NSD1: variants seen among roughly 807,000 people sequenced by gnomAD.
NSD1 encodes histone-lysine N-methyltransferase, H3 lysine-36 specific.
A neutral mutation model predicts 242.7 loss-of-function variants in NSD1; 26 were observed. The observed-to-expected ratio is 0.11, with a 90% CI of 0.08 to 0.15. The LOEUF is 0.15. NSD1 is among the 10% of genes least tolerant of loss of function. The pLI, the probability that NSD1 is intolerant of heterozygous loss-of-function variation, is 1.00. For synonymous variants in NSD1, 1,106 were observed against 1,178.1 expected, an observed-to-expected ratio of 0.94 and a Z score of 1.25; for missense variants, 2,495 against 3,272.8, an observed-to-expected ratio of 0.76 and a Z score of 5.80.
chr5:177,227,277 A>T (rs1764703890), intron 5 of NSD1, among the ~76,000 whole-genome samples: 1 of 152,188 alleles, frequency 6.6e-6, no homozygotes, highest in African/African-American at 2.4e-5. Context: ...TAAATATTTG[A>T]GTAAATCAGT....
chr5:177,141,916 C>G (rs190041134), intron 2 of NSD1, among the ~76,000 whole-genome samples: 1 of 152,152 alleles, frequency 6.6e-6, no homozygotes, highest in Non-Finnish European at 1.5e-5. Flanking sequence ...TCACTGCAAC[C>G]TCTGCCTTCT....
Position 177,269,802 on chromosome 5 carries a change from A to G in NSD1, c.5504A>G (p.Lys1835Arg). ...KMGKGVDGTY[K>R]KALQEAAARF... is the part of the protein sequence containing the mutation. ...GGCAAAGGAGTGGATGGGACATATAAAAAAGGTAACTTTATCCTTTTTGTT... is the reference window on the plus strand; with the variant it reads ...GGCAAAGGAGTGGATGGGACATATAGAAAAGGTAACTTTATCCTTTTTGTT... Residue 1835 changes from lysine to arginine, a missense_variant, in exon 16 of 23, where the codon AAA (lysine) becomes AGA (arginine). By Grantham distance (26) the Lys-to-Arg change is conservative. Coordinates refer to ENST00000439151, the MANE Select transcript of NSD1 (RefSeq NM_022455.5). The surrounding 1 kb of genome is among the most constrained non-coding windows in gnomAD (Gnocchi z 5.1). The G allele has an allele frequency of 6.2e-7, 1 of 1,610,844 alleles. No individual in the cohort carries two copies. The highest frequency in any genetic ancestry group is 8.5e-7 in the Non-Finnish European group (1 of 1,177,972).
At chr5:177,220,162 C>G (rs550270279) in intron 5 of NSD1, among the ~76,000 whole-genome samples, 20 of 152,240 alleles carry the variant, frequency 1.3e-4, no homozygotes, top group Admixed American at 1.3e-3. Context: ...CCTTGTGTTA[C>G]TCTATTTCTC....
chr5:177,144,906 C>A (rs1757107353), intron 2 of NSD1, among the ~76,000 whole-genome samples: 1 of 151,846 alleles, frequency 6.6e-6, no homozygotes, highest in Admixed American at 6.6e-5. Context: ...CGTAGTGAAA[C>A]CCTGTCTCTA....
chr5:177,293,902 C>T lies in NSD1; in HGVS notation c.6534C>T (p.Cys2178=), dbSNP rs2127279315. ...AAGCAGCCTCCTTCTGTGAGATGTG[C>T]CCCAGCTCCTTTTGTAAGCAGCATC... ...GKEAASFCEM[C]PSSFCKQHRE... is the part of the protein sequence containing the mutation. Residue 2178 remains cysteine (C), a synonymous_variant, in exon 23 of 23, where the codon TGC becomes TGT. Coordinates refer to ENST00000439151, the MANE Select transcript of NSD1 (RefSeq NM_022455.5). The T allele has an allele frequency of 6.2e-7, 1 of 1,614,112 alleles. No individual in the cohort carries two copies. The highest frequency in any genetic ancestry group is 8.5e-7 in the Non-Finnish European group (1 of 1,180,018).
At chr5:177,286,806 T>C (rs1759372597) in intron 20 of NSD1, among the ~76,000 whole-genome samples, 1 of 152,258 alleles carries the variant, frequency 6.6e-6, no homozygotes, top group Non-Finnish European at 1.5e-5. Context: ...TCCTCTGCCA[T>C]GTCTAGCCAC....
chr5:177,193,644 T>C (rs1459883827), intron 3 of NSD1, among the ~76,000 whole-genome samples: 1 of 152,098 alleles, frequency 6.6e-6, no homozygotes, highest in Admixed American at 6.6e-5. Flanking sequence ...TTTTAATATA[T>C]GTATTTTAGT....
chr5:177,142,785 T>C (rs2149765947), intron 2 of NSD1, among the ~76,000 whole-genome samples: 1 of 152,288 alleles, frequency 6.6e-6, no homozygotes, highest in Non-Finnish European at 1.5e-5. Context: ...AAATGAGAAA[T>C]ACTGGGTCTC....
chr5:177,200,696 T>G (rs1225298974), intron 3 of NSD1, among the ~76,000 whole-genome samples: 1 of 152,192 alleles, frequency 6.6e-6, no homozygotes, highest in Non-Finnish European at 1.5e-5. Context: ...CATAATGTCT[T>G]CTAAGTTCAT....
chr5:177,157,229 G>C (rs1327351283), intron 2 of NSD1, among the ~76,000 whole-genome samples: 1 of 151,866 alleles, frequency 6.6e-6, no homozygotes, highest in Non-Finnish European at 1.5e-5. Context: ...TAGCTGGTGT[G>C]GTGGCGCATG....
At chr5:177,268,015 A>G (rs1387103922) in intron 15 of NSD1, among the ~76,000 whole-genome samples, 2 of 150,820 alleles carry the variant, frequency 1.3e-5, no homozygotes, top group Non-Finnish European at 2.9e-5. Flanking sequence ...CGCATTGTTA[A>G]CATTTCGGCA....
At chr5:177,212,489 T>C (rs934469225) in intron 5 of NSD1, among the ~76,000 whole-genome samples, 96 of 83,402 alleles carry the variant, frequency 1.2e-3, no homozygotes, top group East Asian at 2.6e-3. Context: ...CTCTCTCTCT[T>C]TTTTTTTTTT....
At chr5:177,261,236 ATTTTTTT>A (rs10652091) in intron 14 of NSD1, among the ~76,000 whole-genome samples, 25 of 74,754 alleles carry the variant, frequency 3.3e-4, no homozygotes, top group Non-Finnish European at 5.8e-4. Context: ...TGCCCCACTA[ATTTTTTT>A]TTTTTTTTTT....
chr5:177,221,020 C>T (rs148100256), intron 5 of NSD1: 6 of 455,216 alleles, frequency 1.3e-5, no homozygotes, highest in African/African-American at 6.0e-5. Context: ...CCTTCCACCA[C>T]CCCCGGTTAA....
chr5:177,258,656 C>T (rs1756736100), intron 13 of NSD1, among the ~76,000 whole-genome samples: 1 of 152,006 alleles, frequency 6.6e-6, no homozygotes. Flanking sequence ...CTGTCTCAGC[C>T]TCCTGACTAG....
chr5:177,153,415 G>A (rs1338402506), intron 2 of NSD1, among the ~76,000 whole-genome samples: 1 of 151,792 alleles, frequency 6.6e-6, no homozygotes, highest in Admixed American at 6.6e-5. Context: ...GGTGCAAAAT[G>A]CTACTACAAG....
chr5:177,266,778 CA>C (rs1757518956), intron 14 of NSD1: 1 of 238,630 alleles, frequency 4.2e-6, no homozygotes, highest in South Asian at 1.8e-4. Context: ...GAATCATGCT[CA>C]TTTCTGGCAA....
At chr5:177,279,033 G>A (rs1241860379) in intron 17 of NSD1, among the ~76,000 whole-genome samples, 1 of 152,192 alleles carries the variant, frequency 6.6e-6, no homozygotes, top group Non-Finnish European at 1.5e-5. Flanking sequence ...TAATCCATGA[G>A]TGACATTGCT....
rs373383515 is a variant in NSD1, at chr5:177,257,228, CT to C, written c.4966+96del. On this transcript the variant is annotated intron_variant, in intron 13 of 22. Transcript: ENST00000439151. ...GCAACAGATATTTTCTTTTTTCTTTCTTTTTTTTTTTTTTTTTTTGGAGACA... is the reference window on the plus strand; with the variant it reads ...GCAACAGATATTTTCTTTTTTCTTTCTTTTTTTTTTTTTTTTTTGGAGACA... 125,229 of 707,260 alleles carry C rather than the reference CT, an allele frequency of 0.18. 496 individuals are homozygous for C. Among genetic ancestry groups the C allele is most frequent in the African/African-American group, 0.25 (11,997 of 47,326 alleles). The allele number at this position is 707,260 out of a possible 1,614,324, so 43.8% of individuals were successfully genotyped here. A position where few individuals can be genotyped will look rare whatever the true frequency, so the allele number is the denominator to read the frequency against.
Sources: allele counts gnomAD v4.1 joint callset (sites outside exome capture counted in the v4.1 genomes callset), GRCh38; gene constraint gnomAD v4.1.1; non-coding constraint Gnocchi (gnomAD v3.1); transcripts MANE v1.5; gene names NCBI Gene and HGNC (gene_info 2026-07-23, HGNC 2026-07-21).